SOS2: variants seen among roughly 807,000 people sequenced by gnomAD.
SOS2 encodes the protein son of sevenless homolog 2.
In SOS2, 65 loss-of-function variants were observed where a neutral mutation model predicts 148.2. The ratio of observed to expected loss-of-function variants is 0.44; its 90% CI spans 0.36 to 0.54. The LOEUF (loss-of-function observed/expected upper bound fraction) is 0.54, where lower values mean the gene tolerates loss of function less well. Ranked by LOEUF, SOS2 falls within the 20% of genes least tolerant of loss-of-function variation. SOS2 has a pLI of 0.00. For missense variants in SOS2, 1,341 were observed against 1,590.2 expected, an observed-to-expected ratio of 0.84 and a Z score of 2.67; for synonymous variants, 539 against 537.1, an observed-to-expected ratio of 1.00 and a Z score of -0.05.
chr14:50,137,667 A>G (rs1340359839), intron 18 of SOS2, among the ~76,000 whole-genome samples: 1 of 152,010 alleles, frequency 6.6e-6, no homozygotes, highest in Non-Finnish European at 1.5e-5. Flanking sequence ...TAATTTTTAA[A>G]ATTTTTAATT....
intron 1 of SOS2, among the ~76,000 whole-genome samples, chr14:50,206,261 G>A (rs1566479861): frequency 6.6e-6 from 1 of 151,814 alleles, no homozygotes; most frequent in Non-Finnish European, 1.5e-5. Flanking sequence ...AACTACTTTT[G>A]TAAAAACACA....
rs545944665 is a variant in SOS2 at position 50,179,165 on chromosome 14, A to G, written c.969+1407T>C. ...TCAAAGGCAATTTATATCCTGATTA[A>G]AACATACATGGTAGTGTTTTCATAA... On this transcript the variant is annotated intron_variant, in intron 7 of 22. Coordinates refer to ENST00000216373, the MANE Select transcript of SOS2 (RefSeq NM_006939.4). Among the ~76,000 whole-genome samples, 173 of 152,348 alleles carry G rather than the reference A, an allele frequency of 1.1e-3. 1 individual carries two copies. Among genetic ancestry groups the G allele is most frequent in the African/African-American group, 4.0e-3 (167 of 41,594 alleles).
chr14:50,190,773 T>C (rs188885765), intron 4 of SOS2, among the ~76,000 whole-genome samples: 10 of 152,286 alleles, frequency 6.6e-5, no homozygotes, highest in African/African-American at 2.2e-4. Flanking sequence ...AATCCCTCCC[T>C]TCCCCACTGC....
At chr14:50,119,968 C>A (rs2139470703) in intron 22 of SOS2, among the ~76,000 whole-genome samples, 1 of 151,990 alleles carries the variant, frequency 6.6e-6, no homozygotes, top group South Asian at 2.1e-4. Context: ...CCCGCCACCA[C>A]ACCCAGCTAA....
intron 1 of SOS2, among the ~76,000 whole-genome samples, chr14:50,209,295 G>GTGTGTGTGTGTGTGTGTGTGTGTGTA (rs1886784256): frequency 6.6e-6 from 1 of 150,746 alleles, no homozygotes; most frequent in Admixed American, 6.6e-5. Flanking sequence ...GTGTGTGTGT[G>GTGTGTGTGTGTGTGTGTGTGTGTGTA]TGTGTGTGTG....
intron 1 of SOS2, among the ~76,000 whole-genome samples, chr14:50,228,271 T>G (rs1394891603): frequency 6.6e-6 from 1 of 152,066 alleles, no homozygotes; most frequent in Non-Finnish European, 1.5e-5. Context: ...CACGAACTCC[T>G]AAACTCAGTT....
At chr14:50,168,957 A>G (rs1333536467) in intron 8 of SOS2, among the ~76,000 whole-genome samples, 2 of 152,220 alleles carry the variant, frequency 1.3e-5, no homozygotes, top group African/African-American at 4.8e-5. Context: ...ACAAGATGGA[A>G]AAACAACTAT....
intron 1 of SOS2, among the ~76,000 whole-genome samples, chr14:50,210,301 G>T (rs911761517): frequency 2.0e-5 from 3 of 152,178 alleles, no homozygotes; most frequent in Admixed American, 6.5e-5. Flanking sequence ...GCAGAGAGTT[G>T]CAGGGAGGCA....
intron 2 of SOS2, among the ~76,000 whole-genome samples, chr14:50,201,671 A>C (rs962437681): frequency 9.2e-5 from 14 of 152,232 alleles, no homozygotes; most frequent in African/African-American, 3.4e-4. Flanking sequence ...AAAACAATAC[A>C]TAGGATATAT....
At chr14:50,169,623 G>C (rs749074342) in intron 8 of SOS2, among the ~76,000 whole-genome samples, 1 of 152,156 alleles carries the variant, frequency 6.6e-6, no homozygotes, top group African/African-American at 2.4e-5. Flanking sequence ...CTGGGTGACA[G>C]AGTGAGACCG....
chr14:50,216,728 C>A (rs1887049846), intron 1 of SOS2, among the ~76,000 whole-genome samples: 1 of 151,156 alleles, frequency 6.6e-6, no homozygotes, highest in Non-Finnish European at 1.5e-5. Context: ...GAGTGAGACT[C>A]AATATCAAAA....
intron 1 of SOS2, among the ~76,000 whole-genome samples, chr14:50,216,101 GT>G (rs60210250): frequency 0.84 from 117,015 of 139,082 alleles, 49,049 homozygotes; most frequent in East Asian, 0.9. Context: ...GGTTTTTTTT[GT>G]TTTTTTTTTT....
intron 2 of SOS2, among the ~76,000 whole-genome samples, chr14:50,203,818 C>T (rs1886579919): frequency 6.8e-6 from 1 of 146,272 alleles, no homozygotes; most frequent in Admixed American, 7.0e-5. Flanking sequence ...TTTTTTGAGA[C>T]GGTCTCCCGC....
chr14:50,132,885 T>C (rs2139521763), intron 19 of SOS2, among the ~76,000 whole-genome samples: 1 of 152,294 alleles, frequency 6.6e-6, no homozygotes, highest in East Asian at 1.9e-4. Context: ...ATCCCTCTCA[T>C]TAAACCAGAG....
chr14:50,135,380 A>G (rs939081691), intron 18 of SOS2, among the ~76,000 whole-genome samples: 1 of 151,540 alleles, frequency 6.6e-6, no homozygotes, highest in Non-Finnish European at 1.5e-5. Flanking sequence ...TTTAACGTAG[A>G]AAATTCAGGT....
At chr14:50,196,389 A>C (rs527517564) in intron 4 of SOS2, among the ~76,000 whole-genome samples, 66 of 152,300 alleles carry the variant, frequency 4.3e-4, no homozygotes, top group African/African-American at 1.6e-3. Context: ...AGTCTCCATC[A>C]CCTCAAGCAT....
At chr14:50,200,879 G>T in intron 3 of SOS2, 74 bp downstream of exon 3, 1 of 1,417,808 alleles carries the variant, frequency 7.1e-7, no homozygotes, top group Non-Finnish European at 9.8e-7. Flanking sequence ...CTACATTAAT[G>T]CTTTATAAAT....
chr14:50,193,787 T>C (rs1415079810), intron 4 of SOS2, among the ~76,000 whole-genome samples: 1 of 151,984 alleles, frequency 6.6e-6, no homozygotes, highest in Non-Finnish European at 1.5e-5. Flanking sequence ...TTCACTTTGT[T>C]GCCCAGGCTG....
At chr14:50,203,950 A>G (rs944485109) in intron 2 of SOS2, among the ~76,000 whole-genome samples, 1 of 152,038 alleles carries the variant, frequency 6.6e-6, no homozygotes, top group African/African-American at 2.4e-5. Flanking sequence ...TTATGAAGAT[A>G]TTTTCCAGAA....
Sources: allele counts gnomAD v4.1 joint callset (sites outside exome capture counted in the v4.1 genomes callset), GRCh38; gene constraint gnomAD v4.1.1; transcripts MANE v1.5; gene names NCBI Gene and HGNC (gene_info 2026-07-23, HGNC 2026-07-21).